Variants in CNOT2 observed in about 807,000 individuals in gnomAD.
The protein encoded by CNOT2 is CC chemokine receptor 4-negative regulator of transcription 2.
CNOT2 carries 7 observed loss-of-function variants against 72.1 expected under a neutral mutation model. The ratio of observed to expected loss-of-function variants is 0.10; its 90% CI spans 0.06 to 0.18. The LOEUF (loss-of-function observed/expected upper bound fraction) is 0.18. CNOT2 is among the 10% of genes least tolerant of loss of function. CNOT2 has a pLI of 1.00. For synonymous variants in CNOT2, 196 were observed against 225.6 expected (o/e 0.87, Z 1.17); for missense variants, 345 against 660.3 (o/e 0.52, Z 5.23).
At chr12:70,291,878 A>T (rs1342235792) in intron 2 of CNOT2, among the ~76,000 whole-genome samples, 1 of 152,192 alleles carries the variant, frequency 6.6e-6, no homozygotes, top group Non-Finnish European at 1.5e-5. Flanking sequence ...CGGAGTTTGC[A>T]GTGAGCCGAG....
intron 1 of CNOT2, among the ~76,000 whole-genome samples, chr12:70,262,724 A>C (rs1315251425): frequency 6.6e-6 from 1 of 151,520 alleles, no homozygotes; most frequent in Non-Finnish European, 1.5e-5. Flanking sequence ...CCCAGGCTGG[A>C]GTGCAGTGGT....
At chr12:70,283,798 T>C (rs1393967284) in intron 2 of CNOT2, among the ~76,000 whole-genome samples, 1 of 152,080 alleles carries the variant, frequency 6.6e-6, no homozygotes, top group Non-Finnish European at 1.5e-5. Flanking sequence ...ACTTTTTATG[T>C]GCCCTTTACT....
chr12:70,354,176 C>CA lies in CNOT2; in HGVS notation c.*262dup, dbSNP rs1253133640. 2.0e-6 allele frequency: 1 copy of CA among 509,162 alleles called. No homozygotes were observed. The highest frequency in any genetic ancestry group is 3.1e-6 in the Non-Finnish European group (1 of 326,610). 31.5% of individuals were successfully genotyped at this position (509,162 alleles called of 1,614,324 possible). A position where few individuals can be genotyped will look rare whatever the true frequency, so the allele number is the denominator to read the frequency against. ...TTTTTTCATTTATTTCCTTTTTTGC[C>CA]AGCAGACAGACTTGAGTCTGTAAAG... On this transcript the variant is annotated 3_prime_UTR_variant, in exon 16 of 16. Transcript: ENST00000229195.
chr12:70,277,915 A>G (rs1352461388), intron 1 of CNOT2, among the ~76,000 whole-genome samples: 1 of 152,184 alleles, frequency 6.6e-6, no homozygotes, highest in African/African-American at 2.4e-5. Context: ...TAATTGAAGA[A>G]AGTAGAAGTG....
At chr12:70,266,983 G>C (rs1186836201) in intron 1 of CNOT2, among the ~76,000 whole-genome samples, 2 of 151,224 alleles carry the variant, frequency 1.3e-5, no homozygotes, top group African/African-American at 2.4e-5. Context: ...TCACTCATGT[G>C]ATTGATTCTT....
chr12:70,281,368 C>T (rs1869812336), intron 2 of CNOT2, among the ~76,000 whole-genome samples: 1 of 152,210 alleles, frequency 6.6e-6, no homozygotes, highest in African/African-American at 2.4e-5. Flanking sequence ...CAGGCGTGAG[C>T]CACCGGTGCC....
chr12:70,255,520 A>G (rs1958395914), intron 1 of CNOT2, among the ~76,000 whole-genome samples: 1 of 152,180 alleles, frequency 6.6e-6, no homozygotes, highest in Non-Finnish European at 1.5e-5. Context: ...AAATAGCTGC[A>G]GTAGCAAAGC....
chr12:70,297,699 T>C, intron 2 of CNOT2: 1 of 308,108 alleles, frequency 3.2e-6, no homozygotes, highest in African/African-American at 2.3e-5. Context: ...TTTTAGTAGT[T>C]ATTTCTACTT....
At chr12:70,255,303 T>C (rs1958381939) in intron 1 of CNOT2, among the ~76,000 whole-genome samples, 1 of 152,180 alleles carries the variant, frequency 6.6e-6, no homozygotes, top group Admixed American at 6.5e-5. Context: ...GTGAACATCG[T>C]GTCTGTTTTT....
At chr12:70,353,698 CAGTT>C in intron 15 of CNOT2, 127 bp from the exon 16 acceptor site, 5 of 1,408,700 alleles carry the variant, frequency 3.5e-6, no homozygotes, top group South Asian at 2.8e-5. Flanking sequence ...AGAGGAAAAA[CAGTT>C]GGTATATCTG....
chr12:70,274,982 G>C (rs1038806999), intron 1 of CNOT2, among the ~76,000 whole-genome samples: 1 of 152,022 alleles, frequency 6.6e-6, no homozygotes, highest in Non-Finnish European at 1.5e-5. Flanking sequence ...ACTGGTTTTG[G>C]TGTGAACCTG....
At chr12:70,259,756 A>G (rs1385222262) in intron 1 of CNOT2, among the ~76,000 whole-genome samples, 4 of 152,192 alleles carry the variant, frequency 2.6e-5, no homozygotes, top group African/African-American at 7.2e-5. Context: ...ATGAATGCAT[A>G]TAATAAATAT....
At chr12:70,316,041 A>G (rs1231109367) in intron 3 of CNOT2, among the ~76,000 whole-genome samples, 1 of 152,164 alleles carries the variant, frequency 6.6e-6, no homozygotes, top group Non-Finnish European at 1.5e-5. Flanking sequence ...ACTATATGCC[A>G]TATCTTATTT....
chr12:70,331,507 A>G (rs1425144996), intron 6 of CNOT2: 1 of 151,802 alleles, frequency 6.6e-6, no homozygotes, highest in African/African-American at 2.4e-5. Context: ...ATAGTTTTTC[A>G]CATTTTGTTT....
At chr12:70,334,543 G>A (rs1880398061) in intron 7 of CNOT2, 1 of 151,986 alleles carries the variant, frequency 6.6e-6, no homozygotes, top group Non-Finnish European at 1.5e-5. Flanking sequence ...ATTGAAAATG[G>A]TAAAACAAAA....
intron 3 of CNOT2, among the ~76,000 whole-genome samples, chr12:70,313,950 A>C (rs1267767528): frequency 1.3e-5 from 2 of 152,150 alleles, no homozygotes; most frequent in African/African-American, 4.8e-5. Context: ...TCAGAACTAC[A>C]ACATAATTGA....
At chr12:70,337,197 G>A in intron 8 of CNOT2, 192 bp from the exon 9 acceptor site, 1 of 456,040 alleles carries the variant, frequency 2.2e-6, no homozygotes. Flanking sequence ...TTTGTATGTT[G>A]AGTTATTAAT....
At chr12:70,348,593 A>G (rs1882493448) in intron 15 of CNOT2, among the ~76,000 whole-genome samples, 2 of 152,178 alleles carry the variant, frequency 1.3e-5, no homozygotes, top group South Asian at 2.1e-4. Flanking sequence ...CCAAACTTAC[A>G]TATGTAAAAA....
At chr12:70,341,517 G>C (rs182701280) in intron 11 of CNOT2, among the ~76,000 whole-genome samples, 36 of 152,142 alleles carry the variant, frequency 2.4e-4, no homozygotes, top group Non-Finnish European at 1.0e-4. Flanking sequence ...ATGGGCCATT[G>C]TTTATTTATT....
Sources: gnomAD v4.1 joint callset for allele counts (sites outside exome capture counted in the v4.1 genomes callset) on GRCh38, gnomAD v4.1.1 for gene constraint, MANE v1.5 for transcripts, NCBI Gene and HGNC (gene_info 2026-07-23, HGNC 2026-07-21) for gene names.